The following LPP variants were observed in gnomAD, a reference collection of about 807,000 sequenced individuals.
LPP encodes lipoma-preferred partner.
A neutral mutation model predicts 60.4 loss-of-function variants in LPP; 38 were observed. The observed-to-expected ratio is 0.63, with a 90% CI of 0.49 to 0.83. LPP has a LOEUF of 0.83. Ranked by LOEUF, LPP falls within the 40% of genes least tolerant of loss-of-function variation. The probability of loss-of-function intolerance (pLI) is 0.00; values close to 1 mark genes in which losing one functional copy is unlikely to be tolerated. For synonymous variants in LPP, 328 were observed against 290.8 expected, an observed-to-expected ratio of 1.13 and a Z score of -1.30; for missense variants, 902 against 783.6, an observed-to-expected ratio of 1.15 and a Z score of -1.80.
At chr3:188,753,703 A>G (rs2150357185) in intron 8 of LPP, among the ~76,000 whole-genome samples, 1 of 150,696 alleles carries the variant, frequency 6.6e-6, no homozygotes, top group Non-Finnish European at 1.5e-5. Context: ...TGTCTCCGAA[A>G]CTGTTTTGTG....
In LPP at chr3:188,318,753, C is replaced by CTTTTTTTTTT. The variant is rs10708836; in HGVS notation, c.-66-22896_-66-22887dup. The stretch of plus-strand genomic sequence containing the variant: ...AAAAAATTGAAAAAAAATTATGATT[C>CTTTTTTTTTT]TTTTTTTTTTTTTTTTTTTTTTTGA... On this transcript the variant is annotated intron_variant, in intron 2 of 11. Coordinates refer to ENST00000617246, the MANE Select transcript of LPP (RefSeq NM_001375462.1). Among the ~76,000 whole-genome samples, 10 of 96,838 alleles carry CTTTTTTTTTT rather than the reference C, an allele frequency of 1.0e-4. 1 individual carries two copies. The highest frequency in any genetic ancestry group is 2.0e-4 in the African/African-American group (4 of 20,492). The allele number at this position is 96,838 out of a possible 152,430, so 63.5% of individuals were successfully genotyped here. A position where few individuals can be genotyped will look rare whatever the true frequency, so the allele number is the denominator to read the frequency against.
chr3:188,731,503 TA>T (rs1720461898), intron 8 of LPP, among the ~76,000 whole-genome samples: 1 of 138,562 alleles, frequency 7.2e-6, no homozygotes, highest in South Asian at 2.5e-4. Context: ...TCTAATCTTT[TA>T]TTTTTTTGTT....
chr3:188,663,692 G>C (rs1224983004), intron 7 of LPP, among the ~76,000 whole-genome samples: 1 of 152,208 alleles, frequency 6.6e-6, no homozygotes, highest in Non-Finnish European at 1.5e-5. Flanking sequence ...TTGTAACGCA[G>C]TGGTCTCCGA....
At chr3:188,730,990 A>G (rs1720254811) in intron 8 of LPP, among the ~76,000 whole-genome samples, 1 of 152,188 alleles carries the variant, frequency 6.6e-6, no homozygotes, top group Non-Finnish European at 1.5e-5. Flanking sequence ...TTGATTAGAT[A>G]TGACCCACCT....
chr3:188,703,789 G>A (rs1356194262), intron 7 of LPP, among the ~76,000 whole-genome samples: 1 of 152,184 alleles, frequency 6.6e-6, no homozygotes, highest in East Asian at 1.9e-4. Context: ...CAAAATCTGT[G>A]AAATATTGAC....
intron 2 of LPP, among the ~76,000 whole-genome samples, chr3:188,262,858 C>T (rs1734163749): frequency 6.6e-6 from 1 of 151,960 alleles, no homozygotes; most frequent in Non-Finnish European, 1.5e-5. Context: ...GTAATCTGTG[C>T]TCGAACCCAG....
rs933991513 is a variant in LPP at position 188,887,104 on chromosome 3, A to G, written c.*12625A>G. ...GCTGTGCTTTATCCCGAGGCATAGC[A>G]GTAATCGTTACTATCTTGACTCTTT... On this transcript the variant is annotated 3_prime_UTR_variant, in exon 12 of 12. Transcript: ENST00000617246. 4.4e-6 allele frequency: 1 copy of G among 229,396 alleles called. No homozygotes were observed. The highest frequency in any genetic ancestry group is 2.2e-5 in the African/African-American group (1 of 45,132). 14.2% of individuals were successfully genotyped at this position (229,396 alleles called of 1,614,324 possible).
intron 9 of LPP, among the ~76,000 whole-genome samples, chr3:188,806,844 T>G (rs1749294587): frequency 6.6e-6 from 1 of 151,964 alleles, no homozygotes; most frequent in Admixed American, 6.6e-5. Flanking sequence ...CGTGTTCTTG[T>G]TGTCATTCAT....
intron 7 of LPP, among the ~76,000 whole-genome samples, chr3:188,648,292 C>G (rs1364518455): frequency 6.6e-6 from 1 of 152,108 alleles, no homozygotes; most frequent in African/African-American, 2.4e-5. Flanking sequence ...CTAGCAAAGG[C>G]TCCTAAAGGA....
intron 9 of LPP, among the ~76,000 whole-genome samples, chr3:188,781,887 G>A (rs1235780406): frequency 2.0e-4 from 24 of 118,046 alleles, no homozygotes; most frequent in East Asian, 9.1e-4. Flanking sequence ...GCAAGACTCC[G>A]TCTCAAAAAA....
In LPP at chr3:188,877,349, G is replaced by A. The variant is rs1364425682; in HGVS notation, c.*2870G>A. ...AATCAGAGTCTATAACAGAAAGTTTGTAAAAATATACTGATTTTGAAAAGT... is the reference window on the plus strand; with the variant it reads ...AATCAGAGTCTATAACAGAAAGTTTATAAAAATATACTGATTTTGAAAAGT... On this transcript the variant is annotated 3_prime_UTR_variant, in exon 12 of 12. Coordinates refer to ENST00000617246, the MANE Select transcript of LPP (RefSeq NM_001375462.1). 4 of 180,494 alleles carry A rather than the reference G, an allele frequency of 2.2e-5. No individual in the cohort carries two copies. The allele number at this position is 180,494 out of a possible 1,614,324, so 11.2% of individuals were successfully genotyped here. A position where few individuals can be genotyped will look rare whatever the true frequency, so the allele number is the denominator to read the frequency against.
At chr3:188,374,615 A>G (rs1441528523) in intron 3 of LPP, among the ~76,000 whole-genome samples, 1 of 152,152 alleles carries the variant, frequency 6.6e-6, no homozygotes, top group Non-Finnish European at 1.5e-5. Context: ...GGCTGAGATG[A>G]TGGGGTTTTC....
intron 8 of LPP, among the ~76,000 whole-genome samples, chr3:188,735,384 T>C (rs1049738698): frequency 3.5e-5 from 5 of 141,192 alleles, no homozygotes; most frequent in African/African-American, 1.2e-4. Context: ...TATTTTATTA[T>C]TATTATTATT....
At chr3:188,233,626 C>G (rs1720853278) in intron 2 of LPP, among the ~76,000 whole-genome samples, 1 of 152,092 alleles carries the variant, frequency 6.6e-6, no homozygotes, top group Non-Finnish European at 1.5e-5. Context: ...GACATGAAAA[C>G]AAAATAGGTT....
chr3:188,359,214 T>C (rs1379488930), intron 3 of LPP, among the ~76,000 whole-genome samples: 1 of 152,158 alleles, frequency 6.6e-6, no homozygotes, highest in Non-Finnish European at 1.5e-5. Context: ...CAGTCCCCTT[T>C]TGAAAGAAGT....
intron 4 of LPP, among the ~76,000 whole-genome samples, chr3:188,445,147 A>T (rs566813843): frequency 6.6e-6 from 1 of 152,348 alleles, no homozygotes; most frequent in East Asian, 1.9e-4. Context: ...ATGTATACCC[A>T]AACGATTATA....
At chr3:188,425,395 G>C (rs189397120) in intron 4 of LPP, among the ~76,000 whole-genome samples, 2 of 152,136 alleles carry the variant, frequency 1.3e-5, no homozygotes, top group Non-Finnish European at 2.9e-5. Context: ...AGGGATATTG[G>C]CCTGAAATTT....
At chr3:188,414,175 T>G (rs1785566627) in intron 4 of LPP, among the ~76,000 whole-genome samples, 1 of 152,072 alleles carries the variant, frequency 6.6e-6, no homozygotes, top group Non-Finnish European at 1.5e-5. Flanking sequence ...AAAATTTATT[T>G]AATAAATGCA....
Position 188,639,522 on chromosome 3 carries a change from T to C in LPP, c.1113+29678T>C, listed in dbSNP as rs1196464940. 4.6e-5 allele frequency among the ~76,000 whole-genome samples: 7 copies of C among 151,544 alleles called. No individual in the cohort carries two copies. In the East Asian group the frequency reaches 1.4e-3, roughly 29 times the overall value. ...AAGGACAAAATTGACAAATGGGATC[T>C]AATTAAACTAAAGAGCTTCTGCACA... is the stretch of plus-strand genomic sequence containing the variant. On this transcript the variant is annotated intron_variant, in intron 7 of 11. Coordinates refer to ENST00000617246, the MANE Select transcript of LPP (RefSeq NM_001375462.1).
Sources: allele counts gnomAD v4.1 joint callset (sites outside exome capture counted in the v4.1 genomes callset), GRCh38; gene constraint gnomAD v4.1.1; transcripts MANE v1.5; gene names NCBI Gene and HGNC (gene_info 2026-07-23, HGNC 2026-07-21).